INVS: variants seen among roughly 807,000 people sequenced by gnomAD.
The protein encoded by INVS is inversin, also known as inversion of embryo turning homolog.
In INVS, 86 loss-of-function variants were observed where a neutral mutation model predicts 108.8. That is an observed-to-expected ratio of 0.79 (90% CI 0.66 to 0.95). The LOEUF is 0.95. Among genes scored for constraint, INVS ranks in the 40% least tolerant of loss-of-function variants. The probability of loss-of-function intolerance (pLI) is 0.00; values close to 1 mark genes in which losing one functional copy is unlikely to be tolerated. For missense variants in INVS, 1,169 were observed against 1,297.4 expected, an observed-to-expected ratio of 0.90 and a Z score of 1.52; for synonymous variants, 455 against 473.5, an observed-to-expected ratio of 0.96 and a Z score of 0.51.
At chr9:100,172,096 C>T (rs1829559765) in intron 3 of INVS, among the ~76,000 whole-genome samples, 1 of 151,680 alleles carries the variant, frequency 6.6e-6, no homozygotes, top group South Asian at 2.1e-4. Context: ...TGATAAGGCC[C>T]TTGAGCATGT....
At chr9:100,141,344 A>T (rs1455743870) in intron 3 of INVS, among the ~76,000 whole-genome samples, 2 of 152,100 alleles carry the variant, frequency 1.3e-5, no homozygotes, top group Non-Finnish European at 1.5e-5. Context: ...GAGCTTGGTG[A>T]GGTGTGTTTT....
chr9:100,126,537 T>C lies in INVS; in HGVS notation c.261T>C (p.Leu87=), dbSNP rs1227322514. ...TDHSQRTALH[L]AAQKGNYRFM... is the part of the protein sequence containing the mutation. ...ATAGCCAGAGAACAGCCCTCCATCT[T>C]GCAGCCCAGAAGGTGAGAAGTAAAA... Residue 87 remains leucine, a synonymous_variant, in exon 3 of 17, where the codon CTT becomes CTC. Transcript: ENST00000262457. The C allele has an allele frequency of 6.2e-7, 1 of 1,614,188 alleles. No individual in the cohort carries two copies. Among genetic ancestry groups the C allele is most frequent in the East Asian group, 2.2e-5 (1 of 44,880 alleles).
chr9:100,188,122 AAG>A (rs996506090), intron 3 of INVS, among the ~76,000 whole-genome samples: 4 of 152,152 alleles, frequency 2.6e-5, no homozygotes, highest in Admixed American at 1.3e-4. Context: ...ATCATTGGCA[AAG>A]AGAGATAGTT....
chr9:100,283,613 C>T (rs1266961694), intron 12 of INVS, among the ~76,000 whole-genome samples: 2 of 152,308 alleles, frequency 1.3e-5, no homozygotes, highest in Non-Finnish European at 2.9e-5. Context: ...CCACCTGCCT[C>T]GCCCAGCTAC....
chr9:100,291,359 A>G (rs1319644328), intron 13 of INVS, among the ~76,000 whole-genome samples: 3 of 152,092 alleles, frequency 2.0e-5, no homozygotes, highest in Non-Finnish European at 2.9e-5. Context: ...CGTGCCTGGC[A>G]TATTTTTCAG....
chr9:100,269,043 C>T (rs1413403003), intron 11 of INVS, among the ~76,000 whole-genome samples: 1 of 152,134 alleles, frequency 6.6e-6, no homozygotes, highest in Non-Finnish European at 1.5e-5. Flanking sequence ...TTACCAAATA[C>T]GTATGTTGTT....
Position 100,300,786 on chromosome 9 carries a change from A to C in INVS, c.*112A>C, listed in dbSNP as rs1050871128. 1.4e-6 allele frequency: 1 copy of C among 738,632 alleles called. No homozygotes were observed. The highest frequency in any genetic ancestry group is 2.4e-6 in the Non-Finnish European group (1 of 419,556). The allele number at this position is 738,632 out of a possible 1,614,324, so 45.8% of individuals were successfully genotyped here. On this transcript the variant is annotated 3_prime_UTR_variant, in exon 17 of 17. Transcript: ENST00000262457. Reference sequence around the variant, plus strand: ...GGAAAACTTTAATATCCGTACCTGAAGGCTGATTCACCTAAAAATGTGTTA... The same window carrying C: ...GGAAAACTTTAATATCCGTACCTGACGGCTGATTCACCTAAAAATGTGTTA...
chr9:100,300,735 T>G lies in INVS; in HGVS notation c.*61T>G. ...GCATAGCTAGTGCAGAGTTCAGATT[T>G]TCTGCTGATAATCTTTTACACCTTG... On this transcript the variant is annotated 3_prime_UTR_variant, in exon 17 of 17. Coordinates refer to ENST00000262457, the MANE Select transcript of INVS (RefSeq NM_014425.5). The G allele has an allele frequency of 8.6e-7, 1 of 1,168,184 alleles. No homozygotes were observed. The highest frequency in any genetic ancestry group is 1.3e-6 in the Non-Finnish European group (1 of 783,386). 72.4% of individuals were successfully genotyped at this position (1,168,184 alleles called of 1,614,324 possible).
chr9:100,252,947 T>C lies in INVS; in HGVS notation c.1275T>C (p.Ser425=), dbSNP rs1416800336. The part of the protein sequence containing the change: ...RVDLVDQDGH[S]LLHWAALGGN... ...ATCTAGTTGACCAAGATGGACATTC[T>C]CTTCTACATTGGGCAGCACTGGGAG... The change falls in exon 10 of 17, where the codon TCT becomes TCC. Residue 425 remains serine (S), a synonymous_variant. Transcript: ENST00000262457. The C allele has an allele frequency of 6.2e-7, 1 of 1,613,686 alleles. No individual in the cohort carries two copies. The highest frequency in any genetic ancestry group is 1.7e-5 in the Admixed American group (1 of 59,980).
At chr9:100,193,909 T>C (rs1830297605) in intron 3 of INVS, among the ~76,000 whole-genome samples, 1 of 152,136 alleles carries the variant, frequency 6.6e-6, no homozygotes. Context: ...AAGGTAAAAG[T>C]TTCAAGTTTA....
intron 3 of INVS, among the ~76,000 whole-genome samples, chr9:100,201,401 A>T (rs1830526538): frequency 6.6e-6 from 1 of 152,254 alleles, no homozygotes; most frequent in Non-Finnish European, 1.5e-5. Context: ...GCAACTAGTT[A>T]TGCAGACGTC....
chr9:100,149,087 C>T (rs549999604), intron 3 of INVS, among the ~76,000 whole-genome samples: 11 of 151,548 alleles, frequency 7.3e-5, no homozygotes, highest in Admixed American at 3.3e-4. Flanking sequence ...ATTACTCATA[C>T]CTTTTGCTTT....
rs527325599 is a variant in INVS, at chr9:100,285,611, T to C, written c.2068+1008T>C. Among the ~76,000 whole-genome samples the C allele has an allele frequency of 2.6e-5, 4 of 152,332 alleles. No homozygotes were observed. In the East Asian group the frequency reaches 5.8e-4, roughly 22 times the overall value. ...CAAAGAGAAAAGGTGTATGGAGCAA[T>C]GTCCAGAGGAAATTAGGCACGAGCT... On this transcript the variant is annotated intron_variant, in intron 13 of 16. Coordinates refer to ENST00000262457, the MANE Select transcript of INVS (RefSeq NM_014425.5).
chr9:100,167,562 A>T (rs1210043478), intron 3 of INVS, among the ~76,000 whole-genome samples: 2 of 151,956 alleles, frequency 1.3e-5, no homozygotes, highest in Non-Finnish European at 2.9e-5. Context: ...TACCCACCTC[A>T]CCTCACACAT....
intron 2 of INVS, among the ~76,000 whole-genome samples, chr9:100,113,542 A>G (rs191883198): frequency 4.2e-4 from 64 of 152,122 alleles, no homozygotes; most frequent in African/African-American, 1.4e-3. Context: ...CAACCCAGGC[A>G]TTTATCTGGT....
chr9:100,149,894 G>C (rs1267360542), intron 3 of INVS, among the ~76,000 whole-genome samples: 2 of 152,124 alleles, frequency 1.3e-5, no homozygotes, highest in Non-Finnish European at 2.9e-5. Context: ...ATTTGAAAAA[G>C]TTCTTCAAGG....
At chr9:100,210,692 G>A (rs190240636) in intron 3 of INVS, among the ~76,000 whole-genome samples, 3 of 152,184 alleles carry the variant, frequency 2.0e-5, no homozygotes, top group Non-Finnish European at 2.9e-5. Flanking sequence ...GCATACAAGC[G>A]TACATCTGTA....
chr9:100,206,851 T>C (rs2118269780), intron 3 of INVS, among the ~76,000 whole-genome samples: 1 of 152,352 alleles, frequency 6.6e-6, no homozygotes, highest in Non-Finnish European at 1.5e-5. Flanking sequence ...TACTTCATGA[T>C]ATTCACATGT....
intron 1 of INVS, among the ~76,000 whole-genome samples, chr9:100,100,690 T>TG (rs1826839875): frequency 2.4e-4 from 2 of 8,432 alleles, no homozygotes; most frequent in Non-Finnish European, 3.1e-4. Flanking sequence ...AATATATATA[T>TG]TATATATGTA....
Sources: allele counts gnomAD v4.1 joint callset (sites outside exome capture counted in the v4.1 genomes callset), GRCh38; gene constraint gnomAD v4.1.1; transcripts MANE v1.5; gene names NCBI Gene and HGNC (gene_info 2026-07-23, HGNC 2026-07-21).